Variants in TMTC4 observed in about 807,000 individuals in gnomAD.
TMTC4 encodes the protein transmembrane O-mannosyltransferase targeting cadherins 4, also known as protein O-mannosyl-transferase TMTC4.
Under a neutral mutation model 86.0 loss-of-function variants are expected in TMTC4, and 65 were observed. That is an observed-to-expected ratio of 0.76 (90% CI 0.62 to 0.93). The LOEUF is 0.93. TMTC4 is among the 40% of genes least tolerant of loss of function. The pLI, the probability that TMTC4 is intolerant of heterozygous loss-of-function variation, is 0.00. For missense variants in TMTC4, 866 were observed against 948.1 expected (o/e 0.91, Z 1.14); for synonymous variants, 379 against 382.5 (o/e 0.99, Z 0.11).
chr13:100,653,034 G>A (rs1401399843), intron 6 of TMTC4, among the ~76,000 whole-genome samples: 3 of 152,014 alleles, frequency 2.0e-5, no homozygotes, highest in Non-Finnish European at 2.9e-5. Flanking sequence ...CACCTTAACC[G>A]GAATTATTTT....
intron 3 of TMTC4, chr13:100,668,279 C>G (rs1260025020): frequency 3.7e-6 from 1 of 269,638 alleles, no homozygotes; most frequent in African/African-American, 2.2e-5. Context: ...AAGTCTGCAA[C>G]ACCCTGCAAT....
At chr13:100,674,521 C>G (rs1367863540) in intron 1 of TMTC4, 2 of 978,460 alleles carry the variant, frequency 2.0e-6, no homozygotes, top group Non-Finnish European at 2.4e-6. Context: ...ACGCCGCGCC[C>G]TTTGTCCCAT....
intron 15 of TMTC4, among the ~76,000 whole-genome samples, chr13:100,621,563 C>T (rs1029783869): frequency 6.6e-6 from 1 of 152,112 alleles, no homozygotes. Flanking sequence ...GTAGCTGGGA[C>T]TATAGGCGCC....
chr13:100,660,097 G>A (rs1453056608), intron 5 of TMTC4, among the ~76,000 whole-genome samples: 3 of 151,782 alleles, frequency 2.0e-5, no homozygotes, highest in Non-Finnish European at 4.4e-5. Context: ...TTGGGAGGCT[G>A]AGGCAGGTGG....
rs1204044849 is a variant in TMTC4, at chr13:100,618,451, C to CTTTTTTTTTTTTTTTT, written c.1837-4022_1837-4021insAAAAAAAAAAAAAAAA. On this transcript the variant is annotated intron_variant, in intron 15 of 18. Transcript: ENST00000342624. Reference sequence around the variant, plus strand: ...GAATGCTTCCAGATTTTTGTTGCTTCTTGTTTTTTTTTTTTTTTTAATCTC... The same window carrying CTTTTTTTTTTTTTTTT: ...GAATGCTTCCAGATTTTTGTTGCTTCTTTTTTTTTTTTTTTTTTGTTTTTTTTTTTTTTTTAATCTC... 2.4e-5 allele frequency among the ~76,000 whole-genome samples: 2 copies of CTTTTTTTTTTTTTTTT among 82,430 alleles called. 1 individual carries two copies. The allele number at this position is 82,430 out of a possible 152,430, so 54.1% of individuals were successfully genotyped here. A position where few individuals can be genotyped will look rare whatever the true frequency, so the allele number is the denominator to read the frequency against.
intron 5 of TMTC4, 27 bp downstream of exon 5, chr13:100,662,937 C>G: frequency 6.2e-7 from 1 of 1,611,908 alleles, no homozygotes; most frequent in African/African-American, 1.3e-5. Context: ...CACGTGCATA[C>G]AGATGCCTCG....
intron 3 of TMTC4, among the ~76,000 whole-genome samples, chr13:100,667,850 T>C (rs1886579924): frequency 6.6e-6 from 1 of 152,248 alleles, no homozygotes; most frequent in African/African-American, 2.4e-5. Context: ...TCTGCATTTC[T>C]TGCTCTGGTT....
At chr13:100,627,216 G>A (rs540025910) in intron 12 of TMTC4, among the ~76,000 whole-genome samples, 5 of 152,214 alleles carry the variant, frequency 3.3e-5, no homozygotes, top group Non-Finnish European at 5.9e-5. Flanking sequence ...TGGAGAGCCC[G>A]GGAGGAGCAG....
chr13:100,655,566 C>T (rs990529700), intron 6 of TMTC4, among the ~76,000 whole-genome samples: 1 of 152,148 alleles, frequency 6.6e-6, no homozygotes, highest in Admixed American at 6.6e-5. Flanking sequence ...AGGTCTCTGG[C>T]GGCTGTGTCT....
At chr13:100,674,569 C>T in intron 1 of TMTC4, 175 bp downstream of exon 1, 3 of 982,428 alleles carry the variant, frequency 3.1e-6, no homozygotes, top group Non-Finnish European at 3.6e-6. Context: ...CCCGTGACCC[C>T]GGCCCGGGCC....
Position 100,656,345 on chromosome 13 carries a change from A to G in TMTC4, c.640+36T>C, listed in dbSNP as rs370902987. ...TGCTCAACAGGACAAAAACATGAAGAAGGTGGAAAATTAAGAAGGCAAACA... is the reference window on the plus strand; with the variant it reads ...TGCTCAACAGGACAAAAACATGAAGGAGGTGGAAAATTAAGAAGGCAAACA... On this transcript the variant is annotated intron_variant, in intron 6 of 18. Coordinates refer to ENST00000342624, the MANE Select transcript of TMTC4 (RefSeq NM_032813.5). 1.5e-5 allele frequency: 24 copies of G among 1,575,050 alleles called. No individual in the cohort carries two copies. The African/African-American group carries it at 2.0e-4, about 13-fold the overall frequency.
At chr13:100,651,160 T>C (rs1884386235) in intron 6 of TMTC4, among the ~76,000 whole-genome samples, 1 of 152,212 alleles carries the variant, frequency 6.6e-6, no homozygotes, top group Admixed American at 6.5e-5. Context: ...AAATTTCTTC[T>C]TTTGGTCTTA....
chr13:100,664,360 TCTGGA>T, intron 3 of TMTC4, 24 bp from the exon 4 acceptor site: 1 of 1,570,824 alleles, frequency 6.4e-7, no homozygotes, highest in South Asian at 1.2e-5. Flanking sequence ...AAGGGGATGT[TCTGGA>T]CAAGGGTCTC....
intron 1 of TMTC4, chr13:100,674,424 T>C (rs1248929542): frequency 2.0e-5 from 18 of 905,746 alleles, no homozygotes; most frequent in Admixed American, 6.4e-5. Flanking sequence ...CCGGCGCGGC[T>C]GTGCAGGCAG....
At chr13:100,609,142 G>T (rs754148904) in intron 17 of TMTC4, among the ~76,000 whole-genome samples, 11 of 152,076 alleles carry the variant, frequency 7.2e-5, no homozygotes, top group Non-Finnish European at 1.5e-4. Flanking sequence ...ATTGCATTGG[G>T]GCTGAAGTCT....
chr13:100,656,560 T>TGC (rs10632502), intron 5 of TMTC4, 92 bp from the exon 6 acceptor site: 1 of 674,322 alleles, frequency 1.5e-6, no homozygotes, highest in African/African-American at 2.2e-5. Flanking sequence ...TTTTTTTTTT[T>TGC]GCGACAGGGT....
Position 100,649,637 on chromosome 13 carries a change from C to T in TMTC4, c.640+6744G>A, listed in dbSNP as rs184434676. On this transcript the variant is annotated intron_variant, in intron 6 of 18. Transcript: ENST00000342624. ...TGCAATTATGAGATGTAATTTAATACCCAAAAGTTAATCATTTGCTCAGTG... is the reference window on the plus strand; with the variant it reads ...TGCAATTATGAGATGTAATTTAATATCCAAAAGTTAATCATTTGCTCAGTG... Among the ~76,000 whole-genome samples the T allele has an allele frequency of 1.1e-4, 16 of 152,102 alleles. 1 individual carries two copies. In the South Asian group the frequency reaches 2.1e-3, roughly 20 times the overall value.
At chr13:100,655,016 ATTT>A (rs35965658) in intron 6 of TMTC4, among the ~76,000 whole-genome samples, 7 of 118,636 alleles carry the variant, frequency 5.9e-5, no homozygotes, top group Non-Finnish European at 5.1e-5. Flanking sequence ...CACAACGCCT[ATTT>A]TTTTTTTTTT....
At chr13:100,636,921 A>G (rs565387499) in intron 9 of TMTC4, among the ~76,000 whole-genome samples, 187 bp from the exon 10 acceptor site, 1 of 152,310 alleles carries the variant, frequency 6.6e-6, no homozygotes, top group South Asian at 2.1e-4. Flanking sequence ...AAATGTATTC[A>G]GATTTTGGTA....
Sources: gnomAD v4.1 joint callset for allele counts (sites outside exome capture counted in the v4.1 genomes callset) on GRCh38, gnomAD v4.1.1 for gene constraint, MANE v1.5 for transcripts, NCBI Gene and HGNC (gene_info 2026-07-23, HGNC 2026-07-21) for gene names.